The following PTGFRN variants were observed in gnomAD, a reference collection of about 807,000 sequenced individuals.
The protein encoded by PTGFRN is prostaglandin F2 receptor inhibitor.
PTGFRN carries 35 observed loss-of-function variants against 83.2 expected under a neutral mutation model. The ratio of observed to expected loss-of-function variants is 0.42; its 90% confidence interval spans 0.32 to 0.56. PTGFRN has a LOEUF of 0.56. Among genes scored for constraint, PTGFRN ranks in the 20% least tolerant of loss-of-function variants. The pLI is 0.11. For synonymous variants in PTGFRN, 519 were observed against 498.6 expected (o/e 1.04, Z -0.55); for missense variants, 1,051 against 1,179.5 (o/e 0.89, Z 1.60).
intron 6 of PTGFRN, among the ~76,000 whole-genome samples, chr1:116,969,727 A>G (rs1381740942): frequency 6.6e-6 from 1 of 152,214 alleles, no homozygotes; most frequent in East Asian, 1.9e-4. Context: ...GTTCATAAAC[A>G]TGGGCTATCT....
At position 116,977,195 on chromosome 1, in the gene PTGFRN, C is replaced by T. The variant is rs13374806; in HGVS notation, c.2167+2872C>T. ...TAACTATCCTAAATATATATGCACC[C>T]AATACAGGAGCACCTAGATTCATAA... On this transcript the variant is annotated intron_variant, in intron 7 of 8. Coordinates refer to ENST00000393203, the MANE Select transcript of PTGFRN (RefSeq NM_020440.4). Among the ~76,000 whole-genome samples the T allele has an allele frequency of 4.0e-3, 609 of 152,214 alleles. 5 individuals carry two copies. Among genetic ancestry groups the T allele is most frequent in the African/African-American group, 0.014 (583 of 41,526 alleles).
rs189728025 is a variant in PTGFRN at position 116,953,385 on chromosome 1, T to C, written c.1213+3813T>C. Among the ~76,000 whole-genome samples, 372 of 152,308 alleles carry C rather than the reference T, an allele frequency of 2.4e-3. 4 individuals carry two copies. Among genetic ancestry groups the C allele is most frequent in the Non-Finnish European group, 5.4e-4 (37 of 68,028 alleles). On this transcript the variant is annotated intron_variant, in intron 4 of 8. Coordinates refer to ENST00000393203, the MANE Select transcript of PTGFRN (RefSeq NM_020440.4). ...ATATCAGCTGTCTGTCCAAGATTAT[T>C]CTGGAAGGCAGAAGTGCACGTGGCC...
rs181021892 is a variant in PTGFRN, at chr1:116,946,303, G to A, written c.832+1211G>A. ...GCCTGGATTTGGAAAAGTGGGTGGT[G>A]GAAAAGCAGGTCTGAGGTTCTTGAG... On this transcript the variant is annotated intron_variant, in intron 3 of 8. Transcript: ENST00000393203. Among the ~76,000 whole-genome samples, 15 of 152,266 alleles carry A rather than the reference G, an allele frequency of 9.9e-5. No homozygotes were observed. In the East Asian group the frequency reaches 2.9e-3, roughly 29 times the overall value.
chr1:116,984,233 CTT>C (rs1279845372), intron 7 of PTGFRN, among the ~76,000 whole-genome samples: 2 of 152,086 alleles, frequency 1.3e-5, no homozygotes, highest in Admixed American at 6.5e-5. Flanking sequence ...TCCTTCCAGT[CTT>C]GGGTTCTTCT....
At chr1:116,966,848 T>C in intron 5 of PTGFRN, 63 bp from the exon 6 acceptor site, 1 of 1,490,686 alleles carries the variant, frequency 6.7e-7, no homozygotes, top group Non-Finnish European at 9.0e-7. Flanking sequence ...ATTTTGCTTT[T>C]AGTTGCATTT....
rs1650045221 is a variant in PTGFRN at position 116,941,012 on chromosome 1, AC to A, written c.50-700del. On this transcript the variant is annotated intron_variant, in intron 1 of 8. Transcript: ENST00000393203. This position sits in a 1 kb window ranked among gnomAD's most constrained non-coding sequence, Gnocchi z 5.0. ...TCTTGCCTGTGTCCACTGGGCTTAT[AC>A]CCGGCAACCAGCTGCTGCATTCCTA... 6.6e-6 allele frequency among the ~76,000 whole-genome samples: 1 copy of A among 152,134 alleles called. No homozygotes were observed. The highest frequency in any genetic ancestry group is 6.6e-5 in the Admixed American group (1 of 15,264).
intron 4 of PTGFRN, among the ~76,000 whole-genome samples, chr1:116,955,599 C>T (rs984390071): frequency 2.0e-5 from 3 of 152,092 alleles, no homozygotes; most frequent in Non-Finnish European, 4.4e-5. Flanking sequence ...TAAACATAAC[C>T]ACCATTGCAT....
intron 1 of PTGFRN, among the ~76,000 whole-genome samples, chr1:116,926,438 A>G (rs950748499): frequency 7.9e-5 from 12 of 152,216 alleles, no homozygotes; most frequent in African/African-American, 2.9e-4. Flanking sequence ...AACCTTGTGG[A>G]TAGATCTTGC....
At chr1:116,982,555 G>A (rs571647228) in intron 7 of PTGFRN, among the ~76,000 whole-genome samples, 7 of 152,162 alleles carry the variant, frequency 4.6e-5, no homozygotes, top group South Asian at 2.1e-4. Context: ...CAGGTTCTCC[G>A]CAAGCAAAGA....
At chr1:116,932,104 A>G (rs140710012) in intron 1 of PTGFRN, among the ~76,000 whole-genome samples, 140 of 152,340 alleles carry the variant, frequency 9.2e-4, no homozygotes, top group African/African-American at 3.0e-3. Context: ...CAAATATGCT[A>G]TACTCTGCAG....
chr1:116,962,495 T>C (rs1345729583), intron 5 of PTGFRN: 1 of 152,474 alleles, frequency 6.6e-6, no homozygotes, highest in African/African-American at 2.4e-5. Flanking sequence ...ATATGCATTC[T>C]GGGCACTGGA....
rs976565580 is a variant in PTGFRN, at chr1:116,985,763, C to T, written c.2473+778C>T. Among the ~76,000 whole-genome samples, 9 of 151,688 alleles carry T rather than the reference C, an allele frequency of 5.9e-5. No homozygotes were observed. In the South Asian group the frequency reaches 8.3e-4, roughly 14 times the overall value. The stretch of plus-strand genomic sequence containing the variant: ...TCAGTGGCACAGAGTGGGTACTTCA[C>T]GGAGCCCCAAGATGGGAGGATGAGC... On this transcript the variant is annotated intron_variant, in intron 8 of 8. Transcript: ENST00000393203.
intron 1 of PTGFRN, among the ~76,000 whole-genome samples, chr1:116,932,790 A>G (rs901445405): frequency 3.3e-5 from 5 of 152,234 alleles, no homozygotes; most frequent in Non-Finnish European, 5.9e-5. Context: ...AAGACAAAAA[A>G]TCAACAGAGG....
At chr1:116,927,558 G>A (rs1461856800) in intron 1 of PTGFRN, among the ~76,000 whole-genome samples, 2 of 124,056 alleles carry the variant, frequency 1.6e-5, no homozygotes, top group African/African-American at 8.9e-5. Context: ...ACAGGGTCTC[G>A]ACCTGTTCCC....
Position 116,909,993 on chromosome 1 carries a change from G to T in PTGFRN, c.-211G>T. ...GGCTCCCGGGCCCGGCCGGCTGGAG[G>T]AGGGAGGGAAGGAGGCGGGAGGGAG... On this transcript the variant is annotated 5_prime_UTR_variant, in exon 1 of 9. Transcript: ENST00000393203. 1.6e-6 allele frequency: 1 copy of T among 618,882 alleles called. No homozygotes were observed. Among genetic ancestry groups the T allele is most frequent in the Non-Finnish European group, 2.8e-6 (1 of 351,208 alleles). 38.3% of individuals were successfully genotyped at this position (618,882 alleles called of 1,614,324 possible). A position where few individuals can be genotyped will look rare whatever the true frequency, so the allele number is the denominator to read the frequency against.
chr1:116,984,755 C>G lies in PTGFRN; in HGVS notation c.2243C>G (p.Ser748Cys). The change falls in exon 8 of 9, where the codon TCC becomes TGC. Residue 748 changes from serine to cysteine, a missense_variant. Ser to Cys is a moderately radical substitution (Grantham distance 112). Coordinates refer to ENST00000393203, the MANE Select transcript of PTGFRN (RefSeq NM_020440.4). ...GLDKAPVLLS[S>C]LDRKGIVTTS... The stretch of plus-strand genomic sequence containing the variant: ...GACAAGGCTCCTGTGCTCCTGTCTT[C>G]CCTGGATCGGAAGGGCATCGTGACC... 6.2e-7 allele frequency: 1 copy of G among 1,614,100 alleles called. No homozygotes were observed. Among genetic ancestry groups the G allele is most frequent in the Non-Finnish European group, 8.5e-7 (1 of 1,180,022 alleles).
At chr1:116,980,746 C>T (rs1172654164) in intron 7 of PTGFRN, among the ~76,000 whole-genome samples, 1 of 152,104 alleles carries the variant, frequency 6.6e-6, no homozygotes, top group Non-Finnish European at 1.5e-5. Flanking sequence ...AGGAGATATA[C>T]CTAATGTAAA....
intron 8 of PTGFRN, among the ~76,000 whole-genome samples, chr1:116,985,571 T>C (rs1172998587): frequency 1.3e-5 from 2 of 150,752 alleles, no homozygotes; most frequent in African/African-American, 2.4e-5. Flanking sequence ...TAGCCAGGAG[T>C]GGTGGCGGGT....
intron 3 of PTGFRN, among the ~76,000 whole-genome samples, chr1:116,948,865 G>A (rs1650263479): frequency 6.6e-6 from 1 of 152,170 alleles, no homozygotes; most frequent in African/African-American, 2.4e-5. Context: ...TAACTTCTCT[G>A]TGCTTCAATT....
Sources: gnomAD v4.1 joint callset for allele counts (sites outside exome capture counted in the v4.1 genomes callset) on GRCh38, gnomAD v4.1.1 for gene constraint, Gnocchi (gnomAD v3.1) non-coding constraint, MANE v1.5 for transcripts, NCBI Gene and HGNC (gene_info 2026-07-23, HGNC 2026-07-21) for gene names.